Variants in FAM193A observed in about 807,000 individuals in gnomAD.
FAM193A encodes the protein family with sequence similarity 193 member A.
A neutral mutation model predicts 126.5 loss-of-function variants in FAM193A; 22 were observed. The observed-to-expected ratio is 0.17, with a 90% CI of 0.12 to 0.25. The LOEUF is 0.25. Ranked by LOEUF, FAM193A falls within the 10% of genes least tolerant of loss-of-function variation. FAM193A has a pLI of 1.00. For missense variants in FAM193A, 1,675 were observed against 1,672.8 expected (o/e 1.00, Z -0.02); for synonymous variants, 761 against 646.8 (o/e 1.18, Z -2.68).
At chr4:2,582,259 TCTC>T (rs1333695881) in intron 1 of FAM193A, among the ~76,000 whole-genome samples, 1 of 151,806 alleles carries the variant, frequency 6.6e-6, no homozygotes, top group African/African-American at 2.4e-5. Context: ...GCTCAAGTGT[TCTC>T]CACCTCAGCC....
chr4:2,732,207 C>T lies in FAM193A; in HGVS notation c.*339C>T, dbSNP rs950450076. On this transcript the variant is annotated 3_prime_UTR_variant, in exon 21 of 21. Coordinates refer to ENST00000637812, the MANE Select transcript of FAM193A (RefSeq NM_001366318.2). ...GTGGCTCCGTTGCCTCTGCATTGCG[C>T]CCTGTCCTGTCATGTGTCCTCACCG... 1.7e-4 allele frequency: 61 copies of T among 353,170 alleles called. No homozygotes were observed. The highest frequency in any genetic ancestry group is 1.2e-3 in the African/African-American group (58 of 47,658). The allele number at this position is 353,170 out of a possible 1,614,324, so 21.9% of individuals were successfully genotyped here.
chr4:2,592,161 C>T (rs185108827), intron 1 of FAM193A, among the ~76,000 whole-genome samples: 28 of 152,104 alleles, frequency 1.8e-4, no homozygotes, highest in South Asian at 2.1e-4. Context: ...GCGCGATATC[C>T]GCTTGCCGCA....
At chr4:2,618,398 C>T (rs1324801610) in intron 2 of FAM193A, among the ~76,000 whole-genome samples, 1 of 151,818 alleles carries the variant, frequency 6.6e-6, no homozygotes, top group African/African-American at 2.4e-5. Context: ...TCCATTTTTT[C>T]AGTCTTCTCT....
chr4:2,543,882 A>AAC (rs1167927197), intron 1 of FAM193A, among the ~76,000 whole-genome samples: 1 of 151,060 alleles, frequency 6.6e-6, no homozygotes, highest in Non-Finnish European at 1.5e-5. Flanking sequence ...AAAAAAAAAA[A>AAC]AAAAAAAAAA....
intron 7 of FAM193A, among the ~76,000 whole-genome samples, chr4:2,651,752 G>T (rs936199162): frequency 1.3e-5 from 2 of 152,192 alleles, no homozygotes; most frequent in African/African-American, 4.8e-5. Context: ...TAGCAGCCTC[G>T]CTGCCTGTCC....
rs549798756 is a variant in FAM193A, at chr4:2,630,824, G to C, written c.804-111G>C. 13 of 622,826 alleles carry C rather than the reference G, an allele frequency of 2.1e-5. No homozygotes were observed. The South Asian group carries it at 2.3e-4, about 11-fold the overall frequency. The allele number at this position is 622,826 out of a possible 1,614,324, so 38.6% of individuals were successfully genotyped here. A position where few individuals can be genotyped will look rare whatever the true frequency, so the allele number is the denominator to read the frequency against. On this transcript the variant is annotated intron_variant, in intron 4 of 20. Transcript: ENST00000637812. ...GTGGTTATGAGGAAGGTGACTGTGT[G>C]GTCATCTAGAGGTGGCCACCTGTGG...
intron 20 of FAM193A, among the ~76,000 whole-genome samples, chr4:2,724,962 C>T (rs1408400904): frequency 7.2e-5 from 11 of 152,084 alleles, no homozygotes; most frequent in African/African-American, 4.8e-5. Flanking sequence ...CTGCAACCTC[C>T]GCCTTCCAGA....
At chr4:2,704,058 G>A (rs765846656) in intron 19 of FAM193A, among the ~76,000 whole-genome samples, 1 of 150,842 alleles carries the variant, frequency 6.6e-6, no homozygotes, top group African/African-American at 2.4e-5. Flanking sequence ...ACGAGGTCAG[G>A]AGATGGAGAC....
At chr4:2,669,386 A>G (rs1046449145) in intron 12 of FAM193A, among the ~76,000 whole-genome samples, 4 of 152,050 alleles carry the variant, frequency 2.6e-5, no homozygotes, top group Admixed American at 2.0e-4. Context: ...AGGCGGGCAG[A>G]TCACCTGAGG....
At chr4:2,624,290 G>A (rs534059887) in intron 2 of FAM193A, among the ~76,000 whole-genome samples, 36 of 152,158 alleles carry the variant, frequency 2.4e-4, no homozygotes, top group African/African-American at 7.7e-4. Context: ...GATTACAGGC[G>A]TGCCCCACCA....
chr4:2,662,174 C>CACTG (rs1187323798), intron 10 of FAM193A, among the ~76,000 whole-genome samples: 1 of 152,100 alleles, frequency 6.6e-6, no homozygotes, highest in Non-Finnish European at 1.5e-5. Flanking sequence ...CAGAGCAAGA[C>CACTG]ACTGCCTCAA....
Position 2,657,833 on chromosome 4 carries a change from A to G in FAM193A, c.1342A>G (p.Thr448Ala), listed in dbSNP as rs747376264. ...MTMKTKQRML[T>A]EDWELFKQRR... The stretch of plus-strand genomic sequence containing the variant: ...AATGAAAACCAAGCAGCGCATGTTA[A>G]CAGAAGACTGGGAGCTTTTTAAACA... Residue 448 changes from threonine (T) to alanine (A), a missense_variant, in exon 8 of 21, where the codon ACA becomes GCA. Physicochemically the swap from Thr to Ala is moderately conservative, Grantham distance 58. This residue lies in a region of FAM193A where 1,186 missense variants were observed against 1,109.2 expected (regional missense o/e 1.07). Transcript: ENST00000637812. 1 of 1,612,900 alleles carries G rather than the reference A, an allele frequency of 6.2e-7. No homozygotes were observed. The highest frequency in any genetic ancestry group is 8.5e-7 in the Non-Finnish European group (1 of 1,179,658).
chr4:2,549,948 C>G (rs1012644792), intron 1 of FAM193A, among the ~76,000 whole-genome samples: 1 of 150,952 alleles, frequency 6.6e-6, no homozygotes, highest in Non-Finnish European at 1.5e-5. Flanking sequence ...AGGCTGATCT[C>G]GAACTCCTGA....
At chr4:2,568,375 C>T (rs1739092291) in intron 1 of FAM193A, among the ~76,000 whole-genome samples, 1 of 152,138 alleles carries the variant, frequency 6.6e-6, no homozygotes, top group Non-Finnish European at 1.5e-5. Context: ...ATGTCAGTGG[C>T]TGGACATGGT....
In FAM193A at chr4:2,680,890, C is replaced by T. The variant is rs777518164; in HGVS notation, c.2331+8518C>T. ...CCCCTGACCTCAGGTGATCCACCCA[C>T]CTGGACCTCCCAAAGTGCTGGGATT... is the stretch of plus-strand genomic sequence containing the variant. On this transcript the variant is annotated intron_variant, in intron 13 of 20. Coordinates refer to ENST00000637812, the MANE Select transcript of FAM193A (RefSeq NM_001366318.2). 2.0e-4 allele frequency among the ~76,000 whole-genome samples: 30 copies of T among 152,156 alleles called. 1 individual carries two copies. The highest frequency in any genetic ancestry group is 8.8e-5 in the Non-Finnish European group (6 of 68,016).
At position 2,700,321 on chromosome 4, in the gene FAM193A, C is replaced by G. The variant is rs1269759624; in HGVS notation, c.4149C>G (p.Ile1383Met). The change falls in exon 19 of 21, where the codon ATC (isoleucine) becomes ATG (methionine). Residue 1383 changes from isoleucine to methionine, a missense_variant. By Grantham distance (10) the Ile-to-Met change is conservative. Transcript: ENST00000637812. ...SKAKVVDLMS[I>M]TEQKREERKV... ...CTAAGGTGGTCGACCTCATGTCCAT[C>G]ACAGAGCAGAAAAGAGAGGAGAGAA... 6.2e-7 allele frequency: 1 copy of G among 1,613,994 alleles called. No individual in the cohort carries two copies. The highest frequency in any genetic ancestry group is 8.5e-7 in the Non-Finnish European group (1 of 1,180,004).
intron 2 of FAM193A, among the ~76,000 whole-genome samples, chr4:2,616,060 C>G (rs1560483834): frequency 6.6e-6 from 1 of 152,136 alleles, no homozygotes; most frequent in Non-Finnish European, 1.5e-5. Context: ...CTCAGCCTCC[C>G]AAAGTGCTTG....
In FAM193A at chr4:2,566,991, A is replaced by G. The variant is rs1627196; in HGVS notation, c.256-29093A>G. ...GTCTCGCTCTGTCGCCCAGGCTGGA[A>G]TGCAGTGGCACAATCTCGGCTCACT... On this transcript the variant is annotated intron_variant, in intron 1 of 20. Transcript: ENST00000637812. 1.4e-4 allele frequency among the ~76,000 whole-genome samples: 21 copies of G among 151,146 alleles called. No individual in the cohort carries two copies. In the South Asian group the frequency reaches 2.9e-3, roughly 21 times the overall value.
chr4:2,707,544 A>C (rs959787277), intron 19 of FAM193A, among the ~76,000 whole-genome samples: 1 of 152,142 alleles, frequency 6.6e-6, no homozygotes, highest in Non-Finnish European at 1.5e-5. Context: ...AAAATATCTC[A>C]GTATAATTTT....
Sources: allele counts gnomAD v4.1 joint callset (sites outside exome capture counted in the v4.1 genomes callset), GRCh38; gene constraint gnomAD v4.1.1; regional missense constraint gnomAD v4.1.1; transcripts MANE v1.5; gene names NCBI Gene and HGNC (gene_info 2026-07-23, HGNC 2026-07-21).